Variants in PPM1H observed in about 807,000 individuals in gnomAD.
PPM1H encodes protein phosphatase 1H.
PPM1H carries 27 observed loss-of-function variants against 54.9 expected under a neutral mutation model. That is an observed-to-expected ratio of 0.49 (90% CI 0.36 to 0.68). The LOEUF (loss-of-function observed/expected upper bound fraction) is 0.68. PPM1H is among the 30% of genes least tolerant of loss of function. The pLI, the probability that PPM1H is intolerant of heterozygous loss-of-function variation, is 0.00. For missense variants in PPM1H, 596 were observed against 667.8 expected, an observed-to-expected ratio of 0.89 and a Z score of 1.19; for synonymous variants, 305 against 270.8, an observed-to-expected ratio of 1.13 and a Z score of -1.24.
chr12:62,759,040 T>A (rs1282681007), intron 4 of PPM1H, among the ~76,000 whole-genome samples: 4 of 152,222 alleles, frequency 2.6e-5, no homozygotes, highest in Non-Finnish European at 5.9e-5. Flanking sequence ...ACATTGCTCC[T>A]AACTCCACTG....
intron 4 of PPM1H, among the ~76,000 whole-genome samples, chr12:62,786,248 G>T (rs923743604): frequency 6.6e-6 from 1 of 152,232 alleles, no homozygotes. Flanking sequence ...TGAACAAGAG[G>T]CCAGGGGCTG....
chr12:62,751,945 C>T (rs947124481), intron 4 of PPM1H, among the ~76,000 whole-genome samples: 1 of 152,218 alleles, frequency 6.6e-6, no homozygotes, highest in Non-Finnish European at 1.5e-5. Flanking sequence ...TGTAAGGCCT[C>T]TCTGGCTCTG....
At chr12:62,809,507 G>A (rs1419130134) in intron 2 of PPM1H, among the ~76,000 whole-genome samples, 2 of 152,206 alleles carry the variant, frequency 1.3e-5, no homozygotes, top group East Asian at 1.9e-4. Context: ...AATGTCACAT[G>A]AGCAGGAGGG....
At chr12:62,916,826 C>T (rs1871639316) in intron 1 of PPM1H, among the ~76,000 whole-genome samples, 1 of 151,770 alleles carries the variant, frequency 6.6e-6, no homozygotes, top group Admixed American at 6.6e-5. Context: ...CCCAGTCATT[C>T]ATCCTTAGCC....
At chr12:62,806,506 A>C (rs1033388518) in intron 2 of PPM1H, among the ~76,000 whole-genome samples, 1 of 152,178 alleles carries the variant, frequency 6.6e-6, no homozygotes, top group African/African-American at 2.4e-5. Context: ...GCCAAATCTC[A>C]GGTCGAATTG....
At chr12:62,878,465 A>C (rs1282746648) in intron 1 of PPM1H, among the ~76,000 whole-genome samples, 1 of 151,922 alleles carries the variant, frequency 6.6e-6, no homozygotes, top group African/African-American at 2.4e-5. Context: ...TGCTAATTTT[A>C]GTTTTTACTC....
rs1871689075 is a variant in PPM1H at position 62,918,397 on chromosome 12, A to G, written c.245+16095T>C. Among the ~76,000 whole-genome samples the G allele has an allele frequency of 3.9e-5, 6 of 152,388 alleles. No homozygotes were observed. In the South Asian group the frequency reaches 1.2e-3, roughly 32 times the overall value. ...AAGCATACAGTAAATGCATGATGGT[A>G]CCAAAATAGGGGCAATTGAAACCTA... On this transcript the variant is annotated intron_variant, in intron 1 of 9. Transcript: ENST00000228705.
chr12:62,694,608 C>T (rs1328686781), intron 6 of PPM1H, among the ~76,000 whole-genome samples: 3 of 152,348 alleles, frequency 2.0e-5, no homozygotes, highest in East Asian at 1.9e-4. Flanking sequence ...ACAGCCTGCA[C>T]AGCGGAGGCG....
At chr12:62,930,976 C>T (rs1190043980) in intron 1 of PPM1H, among the ~76,000 whole-genome samples, 4 of 152,138 alleles carry the variant, frequency 2.6e-5, no homozygotes, top group South Asian at 2.1e-4. Flanking sequence ...CTGAAATGAA[C>T]GAAAATCTTC....
At chr12:62,860,028 T>C (rs575602864) in intron 1 of PPM1H, among the ~76,000 whole-genome samples, 27 of 152,206 alleles carry the variant, frequency 1.8e-4, no homozygotes, top group Admixed American at 1.4e-3. Context: ...CATGCTGCTA[T>C]GAAGAAATAT....
chr12:62,743,170 G>T (rs1484688765), intron 4 of PPM1H, among the ~76,000 whole-genome samples: 1 of 152,116 alleles, frequency 6.6e-6, no homozygotes, highest in Non-Finnish European at 1.5e-5. Context: ...GGCCAACATG[G>T]TGAAACCCCA....
intron 2 of PPM1H, among the ~76,000 whole-genome samples, chr12:62,810,123 T>C (rs1218573708): frequency 6.6e-6 from 1 of 152,106 alleles, no homozygotes; most frequent in Admixed American, 6.5e-5. Context: ...TTATTAAATA[T>C]ACAAAGAAAG....
chr12:62,816,386 AATTC>A (rs2076866888), intron 2 of PPM1H, among the ~76,000 whole-genome samples: 1 of 152,246 alleles, frequency 6.6e-6, no homozygotes, highest in African/African-American at 2.4e-5. Flanking sequence ...ACAAGTGGAG[AATTC>A]TACACCTGAT....
chr12:62,856,885 C>T (rs374221819), intron 1 of PPM1H, among the ~76,000 whole-genome samples: 21 of 152,174 alleles, frequency 1.4e-4, no homozygotes, highest in South Asian at 6.2e-4. Flanking sequence ...AAGATCCCTA[C>T]GGCTTCACAG....
chr12:62,904,499 A>G (rs1288153356), intron 1 of PPM1H, among the ~76,000 whole-genome samples: 2 of 152,170 alleles, frequency 1.3e-5, no homozygotes, highest in Non-Finnish European at 2.9e-5. Context: ...AGTGAACACA[A>G]TGCCATATTT....
intron 1 of PPM1H, among the ~76,000 whole-genome samples, chr12:62,876,738 C>T (rs1487066058): frequency 6.6e-6 from 1 of 152,154 alleles, no homozygotes; most frequent in African/African-American, 2.4e-5. Context: ...CCAATGGGGG[C>T]TGAGTGCCAC....
intron 2 of PPM1H, among the ~76,000 whole-genome samples, chr12:62,831,849 A>G (rs1419686528): frequency 6.6e-6 from 1 of 151,674 alleles, no homozygotes; most frequent in Non-Finnish European, 1.5e-5. Context: ...AAATATATCA[A>G]TTATTGCAAC....
intron 1 of PPM1H, among the ~76,000 whole-genome samples, chr12:62,925,165 T>A (rs1442723271): frequency 6.6e-6 from 1 of 152,138 alleles, no homozygotes; most frequent in East Asian, 1.9e-4. Flanking sequence ...CTTAGACTAA[T>A]TAAAAAAGGG....
intron 4 of PPM1H, among the ~76,000 whole-genome samples, chr12:62,764,601 GT>G (rs148142570): frequency 1.6e-4 from 24 of 149,252 alleles, no homozygotes; most frequent in Middle Eastern, 6.8e-3. Context: ...CTCCCATTTT[GT>G]TTTTTTTTTC....
Sources: allele counts gnomAD v4.1 joint callset (sites outside exome capture counted in the v4.1 genomes callset), GRCh38; gene constraint gnomAD v4.1.1; transcripts MANE v1.5; gene names NCBI Gene and HGNC (gene_info 2026-07-23, HGNC 2026-07-21).